The following YWHAH variants were observed in gnomAD, a reference collection of about 807,000 sequenced individuals.
YWHAH encodes the protein 14-3-3 protein eta.
YWHAH carries 6 observed loss-of-function variants against 22.9 expected under a neutral mutation model. The ratio of observed to expected loss-of-function variants is 0.26; its 90% CI spans 0.14 to 0.52. The LOEUF (loss-of-function observed/expected upper bound fraction) is 0.52. Among genes scored for constraint, YWHAH ranks in the 20% least tolerant of loss-of-function variants. YWHAH has a pLI of 0.97. For missense variants in YWHAH, 173 were observed against 308.6 expected (o/e 0.56, Z 3.29); for synonymous variants, 135 against 124.5 (o/e 1.08, Z -0.56).
chr22:31,947,413 C>T (rs538332651), intron 1 of YWHAH: 37 of 470,586 alleles, frequency 7.9e-5, no homozygotes, highest in South Asian at 5.3e-4. Flanking sequence ...TTAAAATGCT[C>T]ACTTGATAAT....
At chr22:31,945,564 G>T in intron 1 of YWHAH, 1 of 1,304,048 alleles carries the variant, frequency 7.7e-7, no homozygotes, top group African/African-American at 1.5e-5. Context: ...CAGCTTCTCC[G>T]GTGGATGAGT....
Position 31,956,121 on chromosome 22 carries a change from C to G in YWHAH, c.88-18C>G, listed in dbSNP as rs201848079. 5 of 1,565,274 alleles carry G rather than the reference C, an allele frequency of 3.2e-6. No homozygotes were observed. The highest frequency in any genetic ancestry group is 2.1e-5 in the Admixed American group (1 of 48,744). On this transcript the variant is annotated intron_variant, in intron 1 of 1. Transcript: ENST00000248975. The surrounding 1 kb of genome is among the most constrained non-coding windows in gnomAD (Gnocchi z 5.1). ...TTCAGATTTTGCTTTCAATGTTTAT[C>G]TTTTTGGGGTTTTGCAGGTGACAGA...
chr22:31,949,073 G>GGTAC (rs1200705670), intron 1 of YWHAH, among the ~76,000 whole-genome samples: 1 of 151,948 alleles, frequency 6.6e-6, no homozygotes, highest in East Asian at 1.9e-4. Context: ...GTTTCGGAGA[G>GGTAC]GGTACCCCTA....
chr22:31,954,931 C>A lies in YWHAH; in HGVS notation c.88-1208C>A, dbSNP rs191169254. ...TCAGCGTATCTTTTGGCGGGGGATA[C>A]AGTTCAACCACTGCAAAGTCTAATA... On this transcript the variant is annotated intron_variant, in intron 1 of 1. Coordinates refer to ENST00000248975, the MANE Select transcript of YWHAH (RefSeq NM_003405.4). Among the ~76,000 whole-genome samples the A allele has an allele frequency of 2.6e-5, 4 of 152,340 alleles. No homozygotes were observed. The East Asian group carries it at 7.7e-4, about 29-fold the overall frequency.
At chr22:31,954,135 A>C (rs2093846686) in intron 1 of YWHAH, among the ~76,000 whole-genome samples, 1 of 152,176 alleles carries the variant, frequency 6.6e-6, no homozygotes, top group Admixed American at 6.5e-5. Context: ...TGTCTATTTG[A>C]ATATGCTATT....
chr22:31,948,072 T>C (rs139109365), intron 1 of YWHAH, among the ~76,000 whole-genome samples: 6 of 152,308 alleles, frequency 3.9e-5, no homozygotes, highest in African/African-American at 1.4e-4. Flanking sequence ...TAGAAATCTT[T>C]TTTTTTTAAT....
At position 31,951,590 on chromosome 22, in the gene YWHAH, C is replaced by T. The variant is rs144013188; in HGVS notation, c.88-4549C>T. Among the ~76,000 whole-genome samples the T allele has an allele frequency of 1.2e-4, 18 of 152,298 alleles. No homozygotes were observed. In the East Asian group the frequency reaches 3.1e-3, roughly 26 times the overall value. On this transcript the variant is annotated intron_variant, in intron 1 of 1. Coordinates refer to ENST00000248975, the MANE Select transcript of YWHAH (RefSeq NM_003405.4). ...TTGGCAGTGGATCTATTTTTACTCA[C>T]ACACATAGTTTTTTGCCTTGTGAGT... is the stretch of plus-strand genomic sequence containing the variant.
chr22:31,956,334 A>G lies in YWHAH; in HGVS notation c.283A>G (p.Thr95Ala). The change falls in exon 2 of 2, where the codon ACA becomes GCA. Residue 95 changes from threonine to alanine, a missense_variant. Coordinates refer to ENST00000248975, the MANE Select transcript of YWHAH (RefSeq NM_003405.4). The surrounding 1 kb of genome is among the most constrained non-coding windows in gnomAD (Gnocchi z 5.1). The part of the protein sequence containing the change: ...YREKIEKELE[T>A]VCNDVLSLLD... Reference sequence around the variant, plus strand: ...GGAGAAGATTGAGAAGGAGCTGGAGACAGTTTGCAATGATGTCCTGTCTCT... The same window carrying G: ...GGAGAAGATTGAGAAGGAGCTGGAGGCAGTTTGCAATGATGTCCTGTCTCT... 1 of 1,614,186 alleles carries G rather than the reference A, an allele frequency of 6.2e-7. No individual in the cohort carries two copies.
chr22:31,946,028 A>G (rs1569274116), intron 1 of YWHAH, among the ~76,000 whole-genome samples: 1 of 152,232 alleles, frequency 6.6e-6, no homozygotes, highest in Non-Finnish European at 1.5e-5. Flanking sequence ...TTTGATGTTA[A>G]TATCAGATGA....
rs1438247494 is a variant in YWHAH, at chr22:31,956,405, G to C, written c.354G>C (p.Glu118Asp). 2.5e-6 allele frequency: 4 copies of C among 1,614,020 alleles called. No homozygotes were observed. Among genetic ancestry groups the C allele is most frequent in the Non-Finnish European group, 3.4e-6 (4 of 1,180,044 alleles). ...AGAACTGCAATGATTTCCAGTATGA[G>C]AGCAAGGTGTTTTACCTGAAAATGA... ...LIKNCNDFQY[E>D]SKVFYLKMKG... The change falls in exon 2 of 2, where the codon GAG becomes GAC. Residue 118 changes from glutamate (E) to aspartate (D), a missense_variant. Coordinates refer to ENST00000248975, the MANE Select transcript of YWHAH (RefSeq NM_003405.4). The surrounding 1 kb of genome is among the most constrained non-coding windows in gnomAD (Gnocchi z 5.1).
intron 1 of YWHAH, chr22:31,950,157 G>A (rs1423035216): frequency 8.3e-6 from 2 of 241,224 alleles, no homozygotes; most frequent in Non-Finnish European, 1.6e-5. Flanking sequence ...GAGTTAAGAA[G>A]TGCAGGACTA....
In YWHAH at chr22:31,944,643, G is replaced by A; in HGVS notation, c.-91G>A. 9.7e-7 allele frequency: 1 copy of A among 1,031,554 alleles called. No homozygotes were observed. The highest frequency in any genetic ancestry group is 1.2e-6 in the Non-Finnish European group (1 of 824,796). 63.9% of individuals were successfully genotyped at this position (1,031,554 alleles called of 1,614,324 possible). Reference sequence around the variant, plus strand: ...GAGCCAGTGCGCGTGCGCGGCGGCGGCCTCCGCAGCGACCGGGGAGCGGAC... The same window carrying A: ...GAGCCAGTGCGCGTGCGCGGCGGCGACCTCCGCAGCGACCGGGGAGCGGAC... On this transcript the variant is annotated 5_prime_UTR_variant, in exon 1 of 2. Coordinates refer to ENST00000248975, the MANE Select transcript of YWHAH (RefSeq NM_003405.4).
At position 31,956,632 on chromosome 22, in the gene YWHAH, G is replaced by A; in HGVS notation, c.581G>A (p.Cys194Tyr). 1 of 1,614,098 alleles carries A rather than the reference G, an allele frequency of 6.2e-7. No individual in the cohort carries two copies. The highest frequency in any genetic ancestry group is 8.5e-7 in the Non-Finnish European group (1 of 1,180,024). The change falls in exon 2 of 2, where the codon TGC becomes TAC. Residue 194 changes from cysteine to tyrosine, a missense_variant. Coordinates refer to ENST00000248975, the MANE Select transcript of YWHAH (RefSeq NM_003405.4). This position sits in a 1 kb window ranked among gnomAD's most constrained non-coding sequence, Gnocchi z 5.1. ...YEIQNAPEQA[C>Y]LLAKQAFDDA... The stretch of plus-strand genomic sequence containing the variant: ...ATCCAGAATGCACCTGAGCAAGCCT[G>A]CCTCTTAGCCAAACAAGCCTTCGAT...
intron 1 of YWHAH, among the ~76,000 whole-genome samples, chr22:31,951,500 T>C (rs1486288238): frequency 6.6e-6 from 1 of 152,170 alleles, no homozygotes; most frequent in Non-Finnish European, 1.5e-5. Flanking sequence ...TCAGTGTTAC[T>C]TTTGATGTTG....
At chr22:31,945,347 G>A (rs944090360) in intron 1 of YWHAH, 3 of 1,250,628 alleles carry the variant, frequency 2.4e-6, no homozygotes, top group African/African-American at 1.5e-5. Flanking sequence ...TCCCACGCCT[G>A]GGGGTCTGGC....
chr22:31,945,547 G>A, intron 1 of YWHAH: 1 of 1,304,132 alleles, frequency 7.7e-7, no homozygotes, highest in Non-Finnish European at 1.0e-6. Flanking sequence ...CTCATAAATC[G>A]ATTCTGCAGC....
In YWHAH at chr22:31,956,042, C is replaced by T. The variant is rs990475067; in HGVS notation, c.88-97C>T. 27 of 1,420,104 alleles carry T rather than the reference C, an allele frequency of 1.9e-5. No individual in the cohort carries two copies. The highest frequency in any genetic ancestry group is 5.6e-5 in the South Asian group (4 of 70,936). The allele number at this position is 1,420,104 out of a possible 1,614,324, so 88.0% of individuals were successfully genotyped here. On this transcript the variant is annotated intron_variant, in intron 1 of 1. Coordinates refer to ENST00000248975, the MANE Select transcript of YWHAH (RefSeq NM_003405.4). The surrounding 1 kb of genome is among the most constrained non-coding windows in gnomAD (Gnocchi z 5.1). ...AGAGTGACTGACCTGTTCGTAATTC[C>T]GTTCTTGAGAAGGATTGTTGATTAT...
intron 1 of YWHAH, chr22:31,947,358 A>T: frequency 2.2e-6 from 1 of 458,920 alleles, no homozygotes; most frequent in Middle Eastern, 3.3e-4. Flanking sequence ...TTAACAAGTC[A>T]GTTTTGCCTT....
chr22:31,953,490 C>T (rs530193630), intron 1 of YWHAH, among the ~76,000 whole-genome samples: 1 of 152,162 alleles, frequency 6.6e-6, no homozygotes, highest in Admixed American at 6.5e-5. Context: ...ACAACATAGA[C>T]ATGTGACCCT....
Sources: gnomAD v4.1 joint callset for allele counts (sites outside exome capture counted in the v4.1 genomes callset) on GRCh38, gnomAD v4.1.1 for gene constraint, Gnocchi (gnomAD v3.1) non-coding constraint, MANE v1.5 for transcripts, NCBI Gene and HGNC (gene_info 2026-07-23, HGNC 2026-07-21) for gene names.